The following CANX variants were observed in gnomAD, a reference collection of about 807,000 sequenced individuals.
The protein encoded by CANX is epididymis secretory sperm binding protein.
CANX carries 14 observed loss-of-function variants against 75.7 expected under a neutral mutation model. The ratio of observed to expected loss-of-function variants is 0.19; its 90% CI spans 0.12 to 0.29. The LOEUF (loss-of-function observed/expected upper bound fraction) is 0.29, where lower values mean the gene tolerates loss of function less well. CANX is among the 10% of genes least tolerant of loss of function. The pLI, the probability that CANX is intolerant of heterozygous loss-of-function variation, is 1.00. For synonymous variants in CANX, 227 were observed against 236.9 expected, an observed-to-expected ratio of 0.96 and a Z score of 0.38; for missense variants, 567 against 713.2, an observed-to-expected ratio of 0.79 and a Z score of 2.34.
intron 1 of CANX, chr5:179,700,780 A>G (rs1010568410): frequency 6.5e-6 from 1 of 152,992 alleles, no homozygotes; most frequent in Non-Finnish European, 1.5e-5. Context: ...TTTGCCCTGG[A>G]AGACAGCTTA....
At chr5:179,701,946 G>A (rs1336552966) in intron 1 of CANX, among the ~76,000 whole-genome samples, 1 of 151,880 alleles carries the variant, frequency 6.6e-6, no homozygotes, top group Non-Finnish European at 1.5e-5. Context: ...TCACCGGGTT[G>A]TCCAGGCTGG....
chr5:179,703,878 C>T (rs1044619652), intron 1 of CANX, among the ~76,000 whole-genome samples: 1 of 152,016 alleles, frequency 6.6e-6, no homozygotes, highest in Non-Finnish European at 1.5e-5. Flanking sequence ...GAGGAGGAAA[C>T]TAGAGGCCCT....
At chr5:179,678,931 G>C (rs2127760323) in intron 1 of CANX, 1 of 1,535,252 alleles carries the variant, frequency 6.5e-7, no homozygotes, top group South Asian at 1.2e-5. Flanking sequence ...CCTGGTTGCT[G>C]AGGCGCATGC....
intron 14 of CANX, among the ~76,000 whole-genome samples, chr5:179,727,670 A>T (rs1372309744): frequency 6.6e-6 from 1 of 152,170 alleles, no homozygotes; most frequent in East Asian, 1.9e-4. Context: ...CAGGATGATG[A>T]CTGTGTCTGC....
intron 8 of CANX, among the ~76,000 whole-genome samples, chr5:179,717,861 G>A (rs1035500441): frequency 1.9e-4 from 29 of 151,764 alleles, no homozygotes; most frequent in African/African-American, 5.6e-4. Flanking sequence ...GATCACAAGC[G>A]CATGCCACCA....
upstream of CANX, chr5:179,698,511 C>T: frequency 7.8e-7 from 1 of 1,289,412 alleles, no homozygotes; most frequent in African/African-American, 1.5e-5. Context: ...GATGGCCGAT[C>T]GTCGGACTCC....
At chr5:179,716,027 A>T in intron 7 of CANX, 78 bp from the exon 8 acceptor site, 1 of 1,057,708 alleles carries the variant, frequency 9.5e-7, no homozygotes, top group Non-Finnish European at 1.5e-6. Context: ...TTCACGTTAG[A>T]AGTCATGATC....
upstream of CANX, among the ~76,000 whole-genome samples, chr5:179,695,860 G>A (rs1478743018): frequency 6.0e-5 from 9 of 149,096 alleles, no homozygotes; most frequent in Non-Finnish European, 1.2e-4. Flanking sequence ...CCGTGGTCTC[G>A]ATCTCCTGAC....
At chr5:179,699,833 A>T (rs1210437973) in intron 1 of CANX, 1 of 152,360 alleles carries the variant, frequency 6.6e-6, no homozygotes, top group Non-Finnish European at 1.5e-5. Flanking sequence ...ATTATAGTTC[A>T]GGGATAGACC....
At chr5:179,697,466 G>T (rs764431963), upstream of CANX, among the ~76,000 whole-genome samples, 2 of 152,134 alleles carry the variant, frequency 1.3e-5, no homozygotes, top group Non-Finnish European at 2.9e-5. Flanking sequence ...ACTTACCTTT[G>T]CAGGAGTAGC....
intron 7 of CANX, among the ~76,000 whole-genome samples, chr5:179,715,699 T>C (rs1777895906): frequency 6.6e-6 from 1 of 152,178 alleles, no homozygotes; most frequent in Non-Finnish European, 1.5e-5. Context: ...ACCAGCTCTA[T>C]TAAAAATGAA....
At chr5:179,689,853 G>C (rs968500311) in intron 1 of CANX, among the ~76,000 whole-genome samples, 1 of 152,078 alleles carries the variant, frequency 6.6e-6, no homozygotes, top group African/African-American at 2.4e-5. Flanking sequence ...ATTTAATGAA[G>C]ACTTCAGAAT....
chr5:179,720,635 G>T, intron 10 of CANX, 75 bp downstream of exon 10: 1 of 1,375,088 alleles, frequency 7.3e-7, no homozygotes. Flanking sequence ...CTAGAGTAAG[G>T]CTGCCAGGTT....
intron 3 of CANX, 35 bp from the exon 4 acceptor site, chr5:179,707,097 A>T: frequency 7.6e-7 from 1 of 1,318,362 alleles, no homozygotes; most frequent in Non-Finnish European, 1.1e-6. Flanking sequence ...GTCAACTGTC[A>T]TTTTAAGACT....
At chr5:179,699,145 C>T (rs957623322) in intron 1 of CANX, 43 bp downstream of exon 1, 4 of 983,590 alleles carry the variant, frequency 4.1e-6, no homozygotes, top group African/African-American at 1.8e-5. Context: ...CTGTGAGGAC[C>T]TCGGGGGGCT....
In CANX at chr5:179,723,643, C is replaced by T. The variant is rs376808779; in HGVS notation, c.1399-17C>T. ...TCAAAAGCTGGAACTTTCAATCAGC[C>T]CTGTCTTGTTTTTCAGCCAGGCGTT... On this transcript the variant is annotated splice_polypyrimidine_tract_variant and intron_variant, in intron 11 of 14. Transcript: ENST00000247461. 6.2e-7 allele frequency: 1 copy of T among 1,610,188 alleles called. No individual in the cohort carries two copies. The highest frequency in any genetic ancestry group is 1.1e-5 in the South Asian group (1 of 90,210).
chr5:179,696,616 C>T (rs528164587), upstream of CANX, among the ~76,000 whole-genome samples: 5 of 152,230 alleles, frequency 3.3e-5, no homozygotes, highest in African/African-American at 1.2e-4. Context: ...GCCCCCTCTC[C>T]AGCATTAACC....
chr5:179,712,014 C>T (rs1398909566), intron 7 of CANX, among the ~76,000 whole-genome samples: 1 of 150,762 alleles, frequency 6.6e-6, no homozygotes. Context: ...AGGAGAATCA[C>T]TTGAACCCGG....
intron 1 of CANX, among the ~76,000 whole-genome samples, chr5:179,687,710 T>C (rs1776215593): frequency 6.6e-6 from 1 of 152,068 alleles, no homozygotes; most frequent in Non-Finnish European, 1.5e-5. Context: ...TATTCATTCT[T>C]TCTCCCTCCA....
Sources: gnomAD v4.1 joint callset for allele counts (sites outside exome capture counted in the v4.1 genomes callset) on GRCh38, gnomAD v4.1.1 for gene constraint, MANE v1.5 for transcripts, NCBI Gene and HGNC (gene_info 2026-07-23, HGNC 2026-07-21) for gene names.